Variants in PCED1B observed in about 807,000 individuals in gnomAD.
The protein encoded by PCED1B is PC-esterase domain containing 1B.
For missense variants in PCED1B, 573 were observed against 573.9 expected (o/e 1.00, Z 0.02); for synonymous variants, 251 against 246.1 (o/e 1.02, Z -0.19).
chr12:47,236,481 G>A lies in PCED1B; in HGVS notation c.*119G>A, dbSNP rs144729661. 5.3e-4 allele frequency: 555 copies of A among 1,053,828 alleles called. 2 individuals are homozygous for A. In the African/African-American group the frequency reaches 6.3e-3, roughly 12 times the overall value. 65.3% of individuals were successfully genotyped at this position (1,053,828 alleles called of 1,614,324 possible). On this transcript the variant is annotated 3_prime_UTR_variant, in exon 4 of 4. Coordinates refer to ENST00000546455, the MANE Select transcript of PCED1B (RefSeq NM_138371.3). ...AACTTAAGCCTGGAGTCCATGCCTCGTCTTCCTTTTGTTCATTGCTGTTAC... is the reference window on the plus strand; with the variant it reads ...AACTTAAGCCTGGAGTCCATGCCTCATCTTCCTTTTGTTCATTGCTGTTAC...
rs1376131625 is a variant in PCED1B, at chr12:47,221,915, C to T, written c.-58+5226C>T. On this transcript the variant is annotated intron_variant, in intron 3 of 3. Transcript: ENST00000546455. ...CCAGGAGTTCAAGACCAGACTGGGCCACAAAGCAAGAGCCTGTCTCCACAA... is the reference window on the plus strand; with the variant it reads ...CCAGGAGTTCAAGACCAGACTGGGCTACAAAGCAAGAGCCTGTCTCCACAA... 2.0e-5 allele frequency among the ~76,000 whole-genome samples: 3 copies of T among 150,198 alleles called. No homozygotes were observed. In the East Asian group the frequency reaches 6.0e-4, roughly 30 times the overall value.
At chr12:47,085,944 T>G (rs1349565493) in intron 1 of PCED1B, among the ~76,000 whole-genome samples, 1 of 147,300 alleles carries the variant, frequency 6.8e-6, no homozygotes, top group Non-Finnish European at 1.5e-5. Flanking sequence ...AGACCTCCCC[T>G]GTTTGAGGCA....
At chr12:47,115,253 G>A (rs1365250910) in intron 2 of PCED1B, among the ~76,000 whole-genome samples, 2 of 152,098 alleles carry the variant, frequency 1.3e-5, no homozygotes, top group Non-Finnish European at 2.9e-5. Context: ...AGTTGAAGGG[G>A]TCTGCTGCTC....
At chr12:47,164,896 G>A (rs910020343) in intron 2 of PCED1B, among the ~76,000 whole-genome samples, 2 of 152,234 alleles carry the variant, frequency 1.3e-5, no homozygotes, top group Non-Finnish European at 2.9e-5. Context: ...GGCTGAAATA[G>A]CCAGGATGTA....
At chr12:47,087,631 G>T (rs1400118608) in intron 1 of PCED1B, among the ~76,000 whole-genome samples, 2 of 152,188 alleles carry the variant, frequency 1.3e-5, no homozygotes, top group Non-Finnish European at 2.9e-5. Flanking sequence ...ATGAGCCAAA[G>T]TATTTGCAAC....
chr12:47,089,465 T>C lies in PCED1B; in HGVS notation c.-609+9740T>C, dbSNP rs1475507230. Among the ~76,000 whole-genome samples the C allele has an allele frequency of 7.5e-3, 631 of 84,386 alleles. 9 individuals are homozygous for C. Among genetic ancestry groups the C allele is most frequent in the African/African-American group, 0.036 (594 of 16,566 alleles). 55.4% of individuals were successfully genotyped at this position (84,386 alleles called of 152,430 possible). A position where few individuals can be genotyped will look rare whatever the true frequency, so the allele number is the denominator to read the frequency against. On this transcript the variant is annotated intron_variant, in intron 1 of 3. Coordinates refer to ENST00000546455, the MANE Select transcript of PCED1B (RefSeq NM_138371.3). The stretch of plus-strand genomic sequence containing the variant: ...CCATCTCAAAAAAAAAAAATACATA[T>C]ATATATATATATATATATATATATA...
chr12:47,214,438 A>C (rs1943186027), intron 2 of PCED1B, among the ~76,000 whole-genome samples: 1 of 152,178 alleles, frequency 6.6e-6, no homozygotes, highest in African/African-American at 2.4e-5. Flanking sequence ...AGGGAGGGAA[A>C]ATGGCTTCCT....
chr12:47,105,520 G>A (rs1938908655), intron 2 of PCED1B, among the ~76,000 whole-genome samples: 1 of 152,178 alleles, frequency 6.6e-6, no homozygotes. Context: ...TGGGCTTGAT[G>A]GGAGGAAAAT....
intron 2 of PCED1B, among the ~76,000 whole-genome samples, chr12:47,156,786 A>G (rs147919574): frequency 1.4e-4 from 21 of 152,158 alleles, no homozygotes; most frequent in Admixed American, 2.6e-4. Context: ...GTCTGCGACA[A>G]TTTTGGTAAA....
At chr12:47,090,392 C>T (rs1490936426) in intron 1 of PCED1B, among the ~76,000 whole-genome samples, 3 of 152,122 alleles carry the variant, frequency 2.0e-5, no homozygotes, top group South Asian at 2.1e-4. Flanking sequence ...ATATGTATAT[C>T]GAATGTGAAC....
intron 1 of PCED1B, among the ~76,000 whole-genome samples, chr12:47,102,186 A>C (rs893864125): frequency 5.3e-5 from 8 of 152,246 alleles, no homozygotes; most frequent in African/African-American, 1.9e-4. Flanking sequence ...TTAGCTTTTA[A>C]ATACTAGAAG....
At chr12:47,171,781 G>A (rs1444604507) in intron 2 of PCED1B, among the ~76,000 whole-genome samples, 1 of 151,950 alleles carries the variant, frequency 6.6e-6, no homozygotes, top group African/African-American at 2.4e-5. Flanking sequence ...TCCTGTATCA[G>A]TCTAACGTTT....
chr12:47,182,462 G>A (rs1004477279), intron 2 of PCED1B, among the ~76,000 whole-genome samples: 7 of 151,848 alleles, frequency 4.6e-5, no homozygotes, highest in Non-Finnish European at 7.4e-5. Flanking sequence ...GTGGTGGCAC[G>A]TGCCTGTAAT....
chr12:47,088,208 A>T (rs1318635437), intron 1 of PCED1B, among the ~76,000 whole-genome samples: 1 of 152,246 alleles, frequency 6.6e-6, no homozygotes, highest in Non-Finnish European at 1.5e-5. Context: ...GGTCTGACGC[A>T]GCACAGATGT....
chr12:47,106,657 C>G (rs1237181385), intron 2 of PCED1B, among the ~76,000 whole-genome samples: 1 of 152,170 alleles, frequency 6.6e-6, no homozygotes, highest in Non-Finnish European at 1.5e-5. Flanking sequence ...TGGGGCCCCT[C>G]CCCACAAGGG....
At chr12:47,183,053 T>A (rs1484756566) in intron 2 of PCED1B, among the ~76,000 whole-genome samples, 1 of 152,124 alleles carries the variant, frequency 6.6e-6, no homozygotes, top group Non-Finnish European at 1.5e-5. Context: ...TGATTTTTAT[T>A]CTTTATACCA....
intron 3 of PCED1B, among the ~76,000 whole-genome samples, chr12:47,229,031 T>G (rs1943718297): frequency 6.6e-6 from 1 of 152,024 alleles, no homozygotes; most frequent in Admixed American, 6.6e-5. Flanking sequence ...GAACAAATAT[T>G]GTAATCTCTT....
chr12:47,224,966 C>T (rs1203672006), intron 3 of PCED1B, among the ~76,000 whole-genome samples: 1 of 152,170 alleles, frequency 6.6e-6, no homozygotes, highest in Non-Finnish European at 1.5e-5. Flanking sequence ...GAGTCTCACG[C>T]TGTCGCCCAG....
intron 3 of PCED1B, among the ~76,000 whole-genome samples, chr12:47,234,407 T>A (rs995186165): frequency 6.6e-6 from 1 of 152,222 alleles, no homozygotes; most frequent in African/African-American, 2.4e-5. Flanking sequence ...TTTACAAAAA[T>A]AAAAGGGGAG....
Sources: gnomAD v4.1 joint callset for allele counts (sites outside exome capture counted in the v4.1 genomes callset) on GRCh38, gnomAD v4.1.1 for gene constraint, MANE v1.5 for transcripts, NCBI Gene and HGNC (gene_info 2026-07-23, HGNC 2026-07-21) for gene names.